ERCC6: variants seen among roughly 807,000 people sequenced by gnomAD.
ERCC6 encodes the protein DNA excision repair protein ERCC-6.
In ERCC6, 116 loss-of-function variants were observed where a neutral mutation model predicts 158.7. The ratio of observed to expected loss-of-function variants is 0.73; its 90% CI spans 0.63 to 0.85. The LOEUF (loss-of-function observed/expected upper bound fraction) is 0.85, where lower values mean the gene tolerates loss of function less well. Among genes scored for constraint, ERCC6 ranks in the 40% least tolerant of loss-of-function variants. ERCC6 has a pLI of 0.00. For missense variants in ERCC6, 1,698 were observed against 1,799.4 expected (o/e 0.94, Z 1.02); for synonymous variants, 678 against 659.3 (o/e 1.03, Z -0.43).
At chr10:49,502,574 G>A (rs958967) in intron 6 of ERCC6, 131,773 of 152,214 alleles carry the variant, frequency 0.87, 57,253 homozygotes, top group East Asian at 1. Context: ...AGAATGGTTA[G>A]GTAACTTGCC....
At chr10:49,483,666 T>C in intron 8 of ERCC6, 150 bp from the exon 9 acceptor site, 1 of 806,348 alleles carries the variant, frequency 1.2e-6, no homozygotes, top group Non-Finnish European at 2.0e-6. Context: ...AGTGTACTTG[T>C]TAACCTGGCA....
intron 5 of ERCC6, among the ~76,000 whole-genome samples, chr10:49,518,647 C>A (rs1837057845): frequency 6.6e-6 from 1 of 152,044 alleles, no homozygotes; most frequent in South Asian, 2.1e-4. Flanking sequence ...CTCTTCATAA[C>A]AGTCATTCTA....
intron 6 of ERCC6, chr10:49,503,335 A>T (rs1197693241): frequency 6.6e-6 from 1 of 152,134 alleles, no homozygotes; most frequent in Non-Finnish European, 1.5e-5. Context: ...CTAATCTTCG[A>T]CGGCTTTCAA....
chr10:49,519,529 G>C (rs1300473072), intron 5 of ERCC6, among the ~76,000 whole-genome samples: 1 of 152,174 alleles, frequency 6.6e-6, no homozygotes, highest in Non-Finnish European at 1.5e-5. Context: ...TCCACTTCAG[G>C]CTATGCATTT....
At chr10:49,469,329 A>C (rs989987320) in intron 18 of ERCC6, among the ~76,000 whole-genome samples, 4 of 152,218 alleles carry the variant, frequency 2.6e-5, no homozygotes, top group Admixed American at 6.5e-5. Flanking sequence ...GTCTCCTGAT[A>C]GATGCACTGA....
In ERCC6 at chr10:49,459,360, G is replaced by A. The variant is rs1311638976; in HGVS notation, c.4063-126C>T. On this transcript the variant is annotated intron_variant, in intron 20 of 20. Transcript: ENST00000355832. ...CAGGGTGGTGAGGTTGACAGGGTGA[G>A]ACTGAGACTCCACCTAATGAAAAGG... 4.3e-6 allele frequency: 4 copies of A among 928,616 alleles called. No homozygotes were observed. In the African/African-American group the frequency reaches 4.9e-5, roughly 11 times the overall value. The allele number at this position is 928,616 out of a possible 1,614,324, so 57.5% of individuals were successfully genotyped here. A position where few individuals can be genotyped will look rare whatever the true frequency, so the allele number is the denominator to read the frequency against.
At chr10:49,467,341 G>A (rs558615487) in intron 18 of ERCC6, among the ~76,000 whole-genome samples, 10 of 152,270 alleles carry the variant, frequency 6.6e-5, no homozygotes, top group African/African-American at 2.2e-4. Flanking sequence ...CCCACCAGGC[G>A]TGTATGAGAC....
intron 10 of ERCC6, among the ~76,000 whole-genome samples, chr10:49,481,938 CCCTGTAG>C (rs1450034474): frequency 6.6e-6 from 1 of 152,184 alleles, no homozygotes; most frequent in Non-Finnish European, 1.5e-5. Flanking sequence ...CTTGTGACTA[CCCTGTAG>C]CCTGAGGAAC....
At chr10:49,480,351 C>A (rs1447035869) in intron 10 of ERCC6, among the ~76,000 whole-genome samples, 2 of 152,204 alleles carry the variant, frequency 1.3e-5, no homozygotes, top group African/African-American at 4.8e-5. Context: ...ACTGGAAATA[C>A]CTTCATGGGA....
intron 18 of ERCC6, among the ~76,000 whole-genome samples, chr10:49,462,600 T>C (rs1016661068): frequency 2.6e-5 from 4 of 151,948 alleles, no homozygotes; most frequent in East Asian, 1.9e-4. Context: ...ATCCCTAATA[T>C]ATAAAGAACT....
chr10:49,499,048 A>T (rs968770704), intron 7 of ERCC6, among the ~76,000 whole-genome samples: 1 of 152,268 alleles, frequency 6.6e-6, no homozygotes, highest in East Asian at 1.9e-4. Context: ...AAAGCATATT[A>T]AAAAAATTAA....
At chr10:49,444,277 C>A in the ERCC6 span, among the ~76,000 whole-genome samples, 2 of 152,198 alleles carry the variant, frequency 1.3e-5, no homozygotes, top group Non-Finnish European at 2.9e-5. Context: ...CGCTCCTGGA[C>A]ACCCTCCTCA....
At chr10:49,488,184 G>T (rs1044988430) in intron 8 of ERCC6, 1 of 216,450 alleles carries the variant, frequency 4.6e-6, no homozygotes, top group Admixed American at 4.1e-5. Context: ...GTCATTAGAA[G>T]ATGTCTGTGA....
At chr10:49,477,140 C>A (rs963953783) in intron 11 of ERCC6, among the ~76,000 whole-genome samples, 3 of 152,090 alleles carry the variant, frequency 2.0e-5, no homozygotes, top group Non-Finnish European at 2.9e-5. Flanking sequence ...CCAAGCCACC[C>A]GCAACTCTGT....
At chr10:49,482,537 T>G in intron 10 of ERCC6, 150 bp downstream of exon 10, 1 of 612,944 alleles carries the variant, frequency 1.6e-6, no homozygotes, top group Non-Finnish European at 2.6e-6. Flanking sequence ...GATAATTTTG[T>G]GATTTTTTTT....
intron 5 of ERCC6, among the ~76,000 whole-genome samples, chr10:49,513,660 A>T (rs986823049): frequency 6.6e-6 from 1 of 152,056 alleles, no homozygotes; most frequent in African/African-American, 2.4e-5. Context: ...GCACAGGAAA[A>T]ACTTCCACTT....
chr10:49,532,852 TCAC>T lies in ERCC6; in HGVS notation c.110_112del (p.Gly37del). The T allele has an allele frequency of 6.2e-7, 1 of 1,614,216 alleles. No individual in the cohort carries two copies. Among genetic ancestry groups the T allele is most frequent in the Non-Finnish European group, 8.5e-7 (1 of 1,180,028 alleles). ...GGAGAGGTACTCCTCCACCTCCCCA[TCAC>T]CACCACTTTCTTGCTTGATTGCCAT... On this transcript the variant is annotated inframe_deletion, in exon 2 of 21. Transcript: ENST00000355832.
intron 5 of ERCC6, among the ~76,000 whole-genome samples, chr10:49,513,004 G>A (rs948821672): frequency 1.2e-4 from 18 of 152,234 alleles, no homozygotes; most frequent in African/African-American, 2.6e-4. Context: ...CCTCCTTCAC[G>A]GTTCTCACAG....
chr10:49,468,359 C>T (rs930944986), intron 18 of ERCC6, among the ~76,000 whole-genome samples: 1 of 152,210 alleles, frequency 6.6e-6, no homozygotes, highest in East Asian at 1.9e-4. Flanking sequence ...TGGGTTCTCC[C>T]TCTTTCTGTT....
Sources: gnomAD v4.1 joint callset for allele counts (sites outside exome capture counted in the v4.1 genomes callset) on GRCh38, gnomAD v4.1.1 for gene constraint, MANE v1.5 for transcripts, NCBI Gene and HGNC (gene_info 2026-07-23, HGNC 2026-07-21) for gene names.